GALNT13: variants seen among roughly 807,000 people sequenced by gnomAD.
GALNT13 encodes polypeptide N-acetylgalactosaminyltransferase 13.
A neutral mutation model predicts 64.2 loss-of-function variants in GALNT13; 28 were observed. The observed-to-expected ratio is 0.44, with a 90% CI of 0.32 to 0.60. The LOEUF (loss-of-function observed/expected upper bound fraction) is 0.60. Ranked by LOEUF, GALNT13 falls within the 20% of genes least tolerant of loss-of-function variation. The probability of loss-of-function intolerance (pLI) is 0.05; values close to 1 mark genes in which losing one functional copy is unlikely to be tolerated. For missense variants in GALNT13, 577 were observed against 669.8 expected, an observed-to-expected ratio of 0.86 and a Z score of 1.53; for synonymous variants, 214 against 224.6, an observed-to-expected ratio of 0.95 and a Z score of 0.42.
intron 8 of GALNT13, among the ~76,000 whole-genome samples, chr2:154,299,636 T>A (rs1693308247): frequency 7.5e-6 from 1 of 132,914 alleles, no homozygotes; most frequent in Non-Finnish European, 1.6e-5. Context: ...TTTTTTTTTT[T>A]CTATTTTTAG....
At chr2:153,304,023 A>G in the GALNT13 span, among the ~76,000 whole-genome samples, 2 of 151,714 alleles carry the variant, frequency 1.3e-5, no homozygotes, top group African/African-American at 2.4e-5. Flanking sequence ...TGTGGATTCA[A>G]GTTGGAGACT....
the GALNT13 span, among the ~76,000 whole-genome samples, chr2:153,127,005 C>A: frequency 6.6e-6 from 1 of 151,978 alleles, no homozygotes; most frequent in Non-Finnish European, 1.5e-5. Flanking sequence ...AGAGAAGGTA[C>A]AGAATATCCT....
chr2:153,349,984 T>G, the GALNT13 span, among the ~76,000 whole-genome samples: 3 of 152,190 alleles, frequency 2.0e-5, no homozygotes, highest in Non-Finnish European at 4.4e-5. Context: ...TCATGAGCAC[T>G]CTAGCACTGG....
rs544952305 is a variant in GALNT13 at position 154,119,486 on chromosome 2, T to C, written c.143-20851T>C. On this transcript the variant is annotated intron_variant, in intron 3 of 12. Coordinates refer to ENST00000392825, the MANE Select transcript of GALNT13 (RefSeq NM_052917.4). ...CATCTATCCTTAGATTAGGGAAGTC[T>C]TCAACCATTATTTCTCTAAATATGA... is the stretch of plus-strand genomic sequence containing the variant. Among the ~76,000 whole-genome samples the C allele has an allele frequency of 2.0e-5, 3 of 152,322 alleles. No homozygotes were observed. In the South Asian group the frequency reaches 6.2e-4, roughly 32 times the overall value.
the GALNT13 span, among the ~76,000 whole-genome samples, chr2:153,614,961 GTA>G: frequency 2.0e-5 from 3 of 151,972 alleles, no homozygotes; most frequent in African/African-American, 7.2e-5. Context: ...TTATCAAATA[GTA>G]GGTCTTATTC....
At chr2:153,203,249 T>A in the GALNT13 span, among the ~76,000 whole-genome samples, 1 of 152,242 alleles carries the variant, frequency 6.6e-6, no homozygotes, top group Non-Finnish European at 1.5e-5. Context: ...ATTTAGTTTT[T>A]CCTGGTAAGG....
intron 4 of GALNT13, among the ~76,000 whole-genome samples, chr2:154,155,506 C>G (rs1684360403): frequency 6.6e-6 from 1 of 151,916 alleles, no homozygotes; most frequent in Non-Finnish European, 1.5e-5. Flanking sequence ...TGTGCACATA[C>G]CAGTTTCTTA....
At chr2:153,316,129 A>C in the GALNT13 span, among the ~76,000 whole-genome samples, 1 of 152,056 alleles carries the variant, frequency 6.6e-6, no homozygotes, top group Admixed American at 6.6e-5. Flanking sequence ...AAAAAGAAGA[A>C]AGAAAAAAGA....
At chr2:153,810,019 G>A in the GALNT13 span, among the ~76,000 whole-genome samples, 2 of 152,126 alleles carry the variant, frequency 1.3e-5, no homozygotes, top group South Asian at 2.1e-4. Context: ...GGAGTGCAGT[G>A]GTGCAATCTC....
the GALNT13 span, among the ~76,000 whole-genome samples, chr2:153,220,347 G>T: frequency 6.6e-6 from 1 of 152,196 alleles, no homozygotes; most frequent in South Asian, 2.1e-4. Context: ...CCTAGAACTG[G>T]TAATCGGCAG....
intron 3 of GALNT13, among the ~76,000 whole-genome samples, chr2:153,986,125 G>C (rs1385541992): frequency 6.6e-6 from 1 of 151,990 alleles, no homozygotes; most frequent in Non-Finnish European, 1.5e-5. Context: ...CTGTGACTTT[G>C]CCTCCTTTTC....
intron 4 of GALNT13, among the ~76,000 whole-genome samples, chr2:154,166,149 A>G (rs910081094): frequency 1.3e-5 from 2 of 152,224 alleles, no homozygotes; most frequent in African/African-American, 4.8e-5. Flanking sequence ...TCATGCCTGT[A>G]ATCTTAGCAC....
chr2:153,748,297 A>T, the GALNT13 span, among the ~76,000 whole-genome samples: 1 of 152,160 alleles, frequency 6.6e-6, no homozygotes, highest in Non-Finnish European at 1.5e-5. Context: ...CATACCCAGC[A>T]GTGGGATTGC....
the GALNT13 span, among the ~76,000 whole-genome samples, chr2:153,706,247 G>A: frequency 2.6e-5 from 4 of 151,946 alleles, no homozygotes; most frequent in Admixed American, 6.6e-5. Context: ...CACCCACCTC[G>A]GCCTTCCAAA....
At chr2:153,473,977 C>T in the GALNT13 span, among the ~76,000 whole-genome samples, 1 of 152,284 alleles carries the variant, frequency 6.6e-6, no homozygotes, top group East Asian at 1.9e-4. Flanking sequence ...ACGCAGAGAC[C>T]TGGAAATTTA....
intron 3 of GALNT13, among the ~76,000 whole-genome samples, chr2:154,087,078 G>A (rs552901056): frequency 1.1e-3 from 160 of 152,016 alleles, no homozygotes; most frequent in Non-Finnish European, 8.4e-4. Flanking sequence ...TTGTTCATAT[G>A]TGCAGATTTT....
rs1691561854 is a variant in GALNT13, at chr2:153,944,415, C to G, written c.-83C>G. On this transcript the variant is annotated 5_prime_UTR_variant, in exon 3 of 13. The change creates a new upstream start codon in the 5' untranslated region. Transcript: ENST00000392825. The stretch of plus-strand genomic sequence containing the variant: ...GCAGTGGAATGTATCCTGCTTTCAT[C>G]TTGGAGTTCACCTGTGTGGCTTGGA... 9.5e-6 allele frequency: 12 copies of G among 1,260,748 alleles called. No individual in the cohort carries two copies. Among genetic ancestry groups the G allele is most frequent in the Non-Finnish European group, 1.2e-5 (11 of 893,516 alleles). 78.1% of individuals were successfully genotyped at this position (1,260,748 alleles called of 1,614,324 possible). A position where few individuals can be genotyped will look rare whatever the true frequency, so the allele number is the denominator to read the frequency against.
the GALNT13 span, among the ~76,000 whole-genome samples, chr2:153,306,288 G>A: frequency 6.6e-6 from 1 of 152,114 alleles, no homozygotes; most frequent in Non-Finnish European, 1.5e-5. Context: ...GCAGCTGCAT[G>A]TTGAAAAAAG....
chr2:153,922,489 A>G (rs1345587512), intron 2 of GALNT13, among the ~76,000 whole-genome samples: 1 of 152,188 alleles, frequency 6.6e-6, no homozygotes, highest in East Asian at 1.9e-4. Context: ...CAGAAAATGT[A>G]TGGACTGTTT....
Sources: allele counts gnomAD v4.1 joint callset (sites outside exome capture counted in the v4.1 genomes callset), GRCh38; gene constraint gnomAD v4.1.1; transcripts MANE v1.5; gene names NCBI Gene and HGNC (gene_info 2026-07-23, HGNC 2026-07-21).